Variants in TNFRSF13B observed in about 807,000 individuals in gnomAD.
TNFRSF13B encodes the protein tumor necrosis factor receptor superfamily member 13B.
Under a neutral mutation model 24.0 loss-of-function variants are expected in TNFRSF13B, and 34 were observed. The observed-to-expected ratio is 1.41, with a 90% CI of 1.08 to 1.88. TNFRSF13B has a LOEUF of 1.88. Ranked by LOEUF, TNFRSF13B falls within the 40% of genes most tolerant of loss-of-function variation. TNFRSF13B has a pLI of 0.00. For missense variants in TNFRSF13B, 415 were observed against 380.8 expected (o/e 1.09, Z -0.75); for synonymous variants, 173 against 150.3 (o/e 1.15, Z -1.10).
chr17:16,957,535 C>A (rs1182612346), intron 1 of TNFRSF13B, among the ~76,000 whole-genome samples: 2 of 151,968 alleles, frequency 1.3e-5, no homozygotes, highest in Admixed American at 6.6e-5. Flanking sequence ...TCAAAGAAGC[C>A]CACACCAGGA....
At chr17:16,969,659 A>G (rs1393090880) in intron 1 of TNFRSF13B, among the ~76,000 whole-genome samples, 3 of 152,356 alleles carry the variant, frequency 2.0e-5, no homozygotes, top group Admixed American at 6.5e-5. Context: ...TGCTTTACAC[A>G]GGTGAATTTC....
chr17:16,948,378 A>G (rs970599604), intron 3 of TNFRSF13B, among the ~76,000 whole-genome samples: 3 of 152,236 alleles, frequency 2.0e-5, no homozygotes, highest in Middle Eastern at 3.2e-3. Context: ...TAATAGAAAT[A>G]AATGGAGTCT....
At chr17:16,957,177 CT>C (rs35401230) in intron 1 of TNFRSF13B, among the ~76,000 whole-genome samples, 559 of 135,304 alleles carry the variant, frequency 4.1e-3, no homozygotes, top group South Asian at 4.3e-3. Flanking sequence ...TAAAAGTAGT[CT>C]TTTTTTTTTT....
chr17:16,949,485 A>G (rs1007349979), intron 2 of TNFRSF13B, among the ~76,000 whole-genome samples: 4 of 152,188 alleles, frequency 2.6e-5, no homozygotes, highest in African/African-American at 9.7e-5. Flanking sequence ...AAAAGTTCAC[A>G]TGAATAGTGT....
intron 1 of TNFRSF13B, among the ~76,000 whole-genome samples, chr17:16,967,911 G>A (rs537186568): frequency 6.6e-6 from 1 of 151,600 alleles, no homozygotes. Flanking sequence ...GCCGAGGTGG[G>A]TGGATCACGA....
At position 16,939,603 on chromosome 17, in the gene TNFRSF13B, C is replaced by G. The variant is rs1438291028; in HGVS notation, c.826G>C (p.Asp276His). Reference sequence around the variant, plus strand: ...ACACACACAATGCCAAGGCCACTGTCTGGGATGTGTGGGCAAGGCTGCAGG... The same window carrying G: ...ACACACACAATGCCAAGGCCACTGTGTGGGATGTGTGGGCAAGGCTGCAGG... ...TVLQPCPHIP[D>H]SGLGIVCVPA... The change falls in exon 5 of 5, where the codon GAC becomes CAC. Residue 276 changes from aspartate to histidine, a missense_variant. Physicochemically the swap from Asp to His is moderately conservative, Grantham distance 81. Transcript: ENST00000261652. 8.7e-6 allele frequency: 14 copies of G among 1,613,514 alleles called. No homozygotes were observed. The highest frequency in any genetic ancestry group is 1.2e-5 in the Non-Finnish European group (14 of 1,179,760).
intron 1 of TNFRSF13B, among the ~76,000 whole-genome samples, chr17:16,964,204 G>A (rs891633199): frequency 5.3e-5 from 8 of 152,040 alleles, no homozygotes; most frequent in Admixed American, 2.0e-4. Flanking sequence ...TGGTTTCTGT[G>A]AGCTGTATAT....
At chr17:16,943,866 A>AG (rs2087528557) in intron 3 of TNFRSF13B, among the ~76,000 whole-genome samples, 1 of 152,200 alleles carries the variant, frequency 6.6e-6, no homozygotes, top group South Asian at 2.1e-4. Flanking sequence ...TGTTCCCCTC[A>AG]GGGAGACACA....
At position 16,940,306 on chromosome 17, in the gene TNFRSF13B, C is replaced by T; in HGVS notation, c.631+20G>A. The stretch of plus-strand genomic sequence containing the variant: ...ACCCAAGCAGCGAGAAGGGCGAGGA[C>T]CCCAGTTTCATGCACTCACCCTGGG... On this transcript the variant is annotated intron_variant, in intron 4 of 4. Coordinates refer to ENST00000261652, the MANE Select transcript of TNFRSF13B (RefSeq NM_012452.3). The T allele has an allele frequency of 6.2e-7, 1 of 1,612,414 alleles. No individual in the cohort carries two copies. Among genetic ancestry groups the T allele is most frequent in the East Asian group, 2.2e-5 (1 of 44,884 alleles).
chr17:16,965,288 A>C (rs1183710294), intron 1 of TNFRSF13B, among the ~76,000 whole-genome samples: 1 of 152,140 alleles, frequency 6.6e-6, no homozygotes, highest in African/African-American at 2.4e-5. Context: ...AATCATTAAT[A>C]ATGATAGTAG....
intron 1 of TNFRSF13B, among the ~76,000 whole-genome samples, chr17:16,957,604 G>A (rs2087633927): frequency 6.6e-6 from 1 of 152,168 alleles, no homozygotes; most frequent in Non-Finnish European, 1.5e-5. Flanking sequence ...AGCAGCAAGA[G>A]AGAAGCAACT....
chr17:16,950,435 A>C lies in TNFRSF13B; in HGVS notation c.200-1452T>G, dbSNP rs193007618. ...ATTCATTTGAGCCTCTTCACAAAGC[A>C]AACAGATCCGTTCTTGTGTCTTTGA... is the stretch of plus-strand genomic sequence containing the variant. On this transcript the variant is annotated intron_variant, in intron 2 of 4. Coordinates refer to ENST00000261652, the MANE Select transcript of TNFRSF13B (RefSeq NM_012452.3). 1.8e-3 allele frequency among the ~76,000 whole-genome samples: 273 copies of C among 152,362 alleles called. 1 individual carries two copies. Among genetic ancestry groups the C allele is most frequent in the African/African-American group, 6.2e-3 (256 of 41,592 alleles).
rs141085727 is a variant in TNFRSF13B at position 16,953,028 on chromosome 17, C to G, written c.62-445G>C. On this transcript the variant is annotated intron_variant, in intron 1 of 4. Coordinates refer to ENST00000261652, the MANE Select transcript of TNFRSF13B (RefSeq NM_012452.3). ...TGATCTCCAAGGGAAGCCTTTCTGA[C>G]TCACCCCCTAGACTAGGACACGGTC... Among the ~76,000 whole-genome samples, 4 of 152,334 alleles carry G rather than the reference C, an allele frequency of 2.6e-5. No individual in the cohort carries two copies. In the East Asian group the frequency reaches 7.7e-4, roughly 29 times the overall value.
chr17:16,940,280 C>T (rs1292191019), intron 4 of TNFRSF13B, 46 bp downstream of exon 4: 1 of 1,611,776 alleles, frequency 6.2e-7, no homozygotes. Flanking sequence ...CGAGGCTTGT[C>T]ACCCAAGCAG....
chr17:16,967,591 A>AT (rs1226529579), intron 1 of TNFRSF13B, among the ~76,000 whole-genome samples: 2 of 151,116 alleles, frequency 1.3e-5, no homozygotes, highest in South Asian at 2.1e-4. Flanking sequence ...CTAAAAATAT[A>AT]TAAAAAAAAA....
chr17:16,967,786 A>T (rs2087714403), intron 1 of TNFRSF13B, among the ~76,000 whole-genome samples: 1 of 149,712 alleles, frequency 6.7e-6, no homozygotes, highest in South Asian at 2.1e-4. Flanking sequence ...AGAAAGAAAA[A>T]AAAAAGAAAC....
chr17:16,950,520 GC>G (rs2087581383), intron 2 of TNFRSF13B, among the ~76,000 whole-genome samples: 1 of 152,168 alleles, frequency 6.6e-6, no homozygotes, highest in Non-Finnish European at 1.5e-5. Flanking sequence ...AACTCAGATG[GC>G]CCACATAGGG....
intron 1 of TNFRSF13B, among the ~76,000 whole-genome samples, chr17:16,958,745 G>A (rs2087641928): frequency 6.6e-6 from 1 of 151,834 alleles, no homozygotes; most frequent in Non-Finnish European, 1.5e-5. Context: ...ATTAATAAAG[G>A]GGATACAGCA....
chr17:16,971,263 G>A (rs2087741860), intron 1 of TNFRSF13B, among the ~76,000 whole-genome samples: 1 of 151,990 alleles, frequency 6.6e-6, no homozygotes, highest in Admixed American at 6.6e-5. Flanking sequence ...GCAGGAGAAT[G>A]GCTTGAACCC....
Sources: allele counts gnomAD v4.1 joint callset (sites outside exome capture counted in the v4.1 genomes callset), GRCh38; gene constraint gnomAD v4.1.1; transcripts MANE v1.5; gene names NCBI Gene and HGNC (gene_info 2026-07-23, HGNC 2026-07-21).